Variants in CEP112 observed in about 807,000 individuals in gnomAD.
CEP112 encodes centrosomal protein 112, also known as centrosomal protein of 112 kDa.
In CEP112, 127 loss-of-function variants were observed where a neutral mutation model predicts 153.0. That is an observed-to-expected ratio of 0.83 (90% CI 0.72 to 0.96). The LOEUF (loss-of-function observed/expected upper bound fraction) is 0.96, where lower values mean the gene tolerates loss of function less well. CEP112 is among the 40% of genes least tolerant of loss of function. The pLI is 0.00. For synonymous variants in CEP112, 358 were observed against 374.4 expected, an observed-to-expected ratio of 0.96 and a Z score of 0.51; for missense variants, 1,089 against 1,101.2, an observed-to-expected ratio of 0.99 and a Z score of 0.16.
At chr17:65,881,676 C>T (rs993603059) in intron 20 of CEP112, among the ~76,000 whole-genome samples, 4 of 152,098 alleles carry the variant, frequency 2.6e-5, no homozygotes, top group Non-Finnish European at 5.9e-5. Context: ...ACACAAATAC[C>T]ACATTCATCC....
chr17:65,647,535 G>A (rs1271655828), intron 24 of CEP112, among the ~76,000 whole-genome samples: 3 of 146,852 alleles, frequency 2.0e-5, no homozygotes, highest in African/African-American at 7.6e-5. Context: ...GAGTGCCATG[G>A]CACAATCACA....
intron 21 of CEP112, among the ~76,000 whole-genome samples, chr17:65,822,856 C>A (rs1279702943): frequency 1.3e-5 from 2 of 151,940 alleles, no homozygotes; most frequent in African/African-American, 4.8e-5. Flanking sequence ...AAGGAATCTA[C>A]CAAAAATAGT....
Position 65,951,744 on chromosome 17 carries a change from C to CT in CEP112, c.1872+9718_1872+9719insA, listed in dbSNP as rs1568281830. On this transcript the variant is annotated intron_variant, in intron 18 of 26. Transcript: ENST00000535342. ...AGCTTTCTGCTCTAATCTTCCCCCG[C>CT]CCCCCCCTTTCTTCCACTTGCTTAG... is the stretch of plus-strand genomic sequence containing the variant. 1.3e-4 allele frequency among the ~76,000 whole-genome samples: 14 copies of CT among 104,972 alleles called. 3 individuals are homozygous for CT. The South Asian group carries it at 5.4e-3, about 40-fold the overall frequency. The allele number at this position is 104,972 out of a possible 152,430, so 68.9% of individuals were successfully genotyped here.
intron 18 of CEP112, among the ~76,000 whole-genome samples, chr17:65,940,324 A>G (rs8065405): frequency 0.48 from 72,766 of 151,972 alleles, 18,421 homozygotes; most frequent in East Asian, 0.89. Flanking sequence ...GAAAATGTAT[A>G]GAATTTCCTC....
intron 24 of CEP112, among the ~76,000 whole-genome samples, chr17:65,683,493 T>TTTTC (rs2047630523): frequency 6.6e-6 from 1 of 152,150 alleles, no homozygotes; most frequent in South Asian, 2.1e-4. Flanking sequence ...GCCAGGAGCC[T>TTTTC]TCAAGAGAAG....
At chr17:65,902,413 C>T in intron 19 of CEP112, 79 bp from the exon 20 acceptor site, 1 of 1,206,882 alleles carries the variant, frequency 8.3e-7, no homozygotes, top group Non-Finnish European at 1.1e-6. Flanking sequence ...CTTAATTTTT[C>T]TCTAATTTGT....
chr17:65,902,435 AT>A (rs2059907231), intron 19 of CEP112, 101 bp from the exon 20 acceptor site: 1 of 932,074 alleles, frequency 1.1e-6, no homozygotes. Flanking sequence ...CAAGTTGAAA[AT>A]TTTTATTTTT....
At chr17:66,025,950 T>G (rs72838536) in intron 16 of CEP112, among the ~76,000 whole-genome samples, 1 of 115,890 alleles carries the variant, frequency 8.6e-6, no homozygotes, top group Admixed American at 1.1e-4. Context: ...CACACACACA[T>G]ATATAGATAT....
chr17:65,651,519 T>C (rs2045774585), intron 24 of CEP112, among the ~76,000 whole-genome samples: 1 of 152,182 alleles, frequency 6.6e-6, no homozygotes, highest in Non-Finnish European at 1.5e-5. Context: ...ATCCACACTG[T>C]TTTCCATAGT....
chr17:66,040,781 T>C (rs1451640727), intron 12 of CEP112, among the ~76,000 whole-genome samples: 2 of 152,242 alleles, frequency 1.3e-5, no homozygotes, highest in Non-Finnish European at 2.9e-5. Flanking sequence ...TAGGCCACCA[T>C]GCCAGCCTCT....
chr17:66,183,385 A>T lies in CEP112; in HGVS notation c.-8-78T>A, dbSNP rs2072796563. On this transcript the variant is annotated intron_variant, in intron 1 of 26. Transcript: ENST00000535342. ...AAACTCTGATGAGAAAGATAAAAAA[A>T]ACTCTTAAGTGTTAGATATCAGTTC... 3 of 1,010,670 alleles carry T rather than the reference A, an allele frequency of 3.0e-6. No homozygotes were observed. The Admixed American group carries it at 7.3e-5, about 25-fold the overall frequency. 62.6% of individuals were successfully genotyped at this position (1,010,670 alleles called of 1,614,324 possible).
At chr17:65,698,964 G>A (rs1422303745) in intron 23 of CEP112, among the ~76,000 whole-genome samples, 6 of 152,026 alleles carry the variant, frequency 3.9e-5, no homozygotes, top group African/African-American at 1.2e-4. Context: ...CACACATGCC[G>A]TCCCCTGAAC....
At chr17:65,715,124 A>G (rs1769597491) in intron 23 of CEP112, among the ~76,000 whole-genome samples, 1 of 152,142 alleles carries the variant, frequency 6.6e-6, no homozygotes. Context: ...GTGATGTAGG[A>G]AGAGAGAAGG....
At chr17:65,751,512 G>A (rs1263146352) in intron 21 of CEP112, among the ~76,000 whole-genome samples, 1 of 152,062 alleles carries the variant, frequency 6.6e-6, no homozygotes, top group Non-Finnish European at 1.5e-5. Context: ...CTGAACTTGT[G>A]TCCTTTACTA....
intron 19 of CEP112, among the ~76,000 whole-genome samples, chr17:65,905,491 C>T (rs1482653514): frequency 6.6e-6 from 1 of 152,206 alleles, no homozygotes; most frequent in East Asian, 1.9e-4. Flanking sequence ...AACACTTTTA[C>T]ACTATTGGTG....
chr17:65,702,910 T>A (rs1192003543), intron 23 of CEP112, among the ~76,000 whole-genome samples: 1 of 152,154 alleles, frequency 6.6e-6, no homozygotes, highest in Non-Finnish European at 1.5e-5. Context: ...CTCGCCCCCA[T>A]GATTCAGTTA....
At chr17:65,897,710 C>A (rs116626432) in intron 20 of CEP112, among the ~76,000 whole-genome samples, 1,851 of 151,996 alleles carry the variant, frequency 0.012, 41 homozygotes, top group African/African-American at 0.042. Context: ...TAATAATATT[C>A]TCAATAAATT....
At chr17:66,039,707 G>A (rs1444152638) in intron 12 of CEP112, among the ~76,000 whole-genome samples, 3 of 152,158 alleles carry the variant, frequency 2.0e-5, no homozygotes, top group Non-Finnish European at 4.4e-5. Flanking sequence ...CACTAGAAGT[G>A]TGAACATTGC....
intron 16 of CEP112, among the ~76,000 whole-genome samples, chr17:66,012,656 T>C (rs1308442187): frequency 6.6e-6 from 1 of 152,122 alleles, no homozygotes; most frequent in East Asian, 1.9e-4. Context: ...TAGCTGTCTT[T>C]AATATTTTTT....
Sources: gnomAD v4.1 joint callset for allele counts (sites outside exome capture counted in the v4.1 genomes callset) on GRCh38, gnomAD v4.1.1 for gene constraint, MANE v1.5 for transcripts, NCBI Gene and HGNC (gene_info 2026-07-23, HGNC 2026-07-21) for gene names.